Variants in MMP12 observed in about 807,000 individuals in gnomAD.
MMP12 encodes the protein matrix metallopeptidase 12.
In MMP12, 51 loss-of-function variants were observed where a neutral mutation model predicts 45.2. The ratio of observed to expected loss-of-function variants is 1.13; its 90% CI spans 0.90 to 1.42. MMP12 has a LOEUF of 1.42. MMP12 is among the 40% of genes most tolerant of loss of function. MMP12 has a pLI of 0.00. For synonymous variants in MMP12, 210 were observed against 193.3 expected (o/e 1.09, Z -0.72); for missense variants, 530 against 570.8 (o/e 0.93, Z 0.73).
At chr11:102,866,052 T>C in intron 7 of MMP12, 117 bp from the exon 8 acceptor site, 1 of 917,356 alleles carries the variant, frequency 1.1e-6, no homozygotes, top group Non-Finnish European at 1.6e-6. Context: ...TATTGCTTAT[T>C]GATCTTAAAC....
chr11:102,866,278 A>G, intron 7 of MMP12, 37 bp downstream of exon 7: 8 of 1,531,094 alleles, frequency 5.2e-6, no homozygotes, highest in Non-Finnish European at 7.0e-6. Context: ...CTCTTCCTTG[A>G]AGTAAACTCA....
At chr11:102,866,075 C>G (rs1555008495) in intron 7 of MMP12, 140 bp from the exon 8 acceptor site, 1 of 887,450 alleles carries the variant, frequency 1.1e-6, no homozygotes, top group Non-Finnish European at 1.6e-6. Flanking sequence ...AGTCTCTTTT[C>G]TATGGTTCCC....
rs552593852 is a variant in MMP12, at chr11:102,873,116, G to GA, written c.103-5dup. On this transcript the variant is annotated splice_region_variant and splice_polypyrimidine_tract_variant and intron_variant, in intron 1 of 9. Coordinates refer to ENST00000571244, the MANE Select transcript of MMP12 (RefSeq NM_002426.6). ...CATAAAATTTTTCTAAGTATCTCTG[G>GA]AAAAAAAAATACATTCAGCAATGTG... The GA allele has an allele frequency of 3.8e-3, 5,976 of 1,552,360 alleles. 18 individuals are homozygous for GA. Among genetic ancestry groups the GA allele is most frequent in the Admixed American group, 6.6e-3 (354 of 53,990 alleles).
chr11:102,863,196 G>A lies in MMP12; in HGVS notation c.1317C>T (p.Tyr439=). The change falls in exon 10 of 10, where the codon TAC becomes TAT. Residue 439 remains tyrosine, a synonymous_variant. Coordinates refer to ENST00000571244, the MANE Select transcript of MMP12 (RefSeq NM_002426.6). ...GGTTAGATCCTTGGAAGAAATAGTAGTATTCTGAAAATGAAAACAAATTAA... is the reference window on the plus strand; with the variant it reads ...GGTTAGATCCTTGGAAGAAATAGTAATATTCTGAAAATGAAAACAAATTAA... The part of the protein sequence containing the change: ...IDAVFYSKNK[Y]YYFFQGSNQF... 6.4e-7 allele frequency: 1 copy of A among 1,566,498 alleles called. No individual in the cohort carries two copies. Among genetic ancestry groups the A allele is most frequent in the Non-Finnish European group, 8.7e-7 (1 of 1,143,002 alleles).
intron 4 of MMP12, among the ~76,000 whole-genome samples, chr11:102,868,410 G>T (rs1175904731): frequency 1.3e-5 from 2 of 152,158 alleles, no homozygotes; most frequent in South Asian, 2.1e-4. Context: ...GTAGACAAAT[G>T]AAATATATTC....
rs781845076 is a variant in MMP12, at chr11:102,867,264, T to A, written c.911+6A>T. 6.3e-7 allele frequency: 1 copy of A among 1,582,618 alleles called. No individual in the cohort carries two copies. The highest frequency in any genetic ancestry group is 1.2e-5 in the South Asian group (1 of 84,450). ...TAATATTGGTTAGATATGAAAATGA[T>A]CCTACCTGTCTTTGAAGAAAAAGAT... On this transcript the variant is annotated splice_donor_region_variant and intron_variant, in intron 6 of 9. Transcript: ENST00000571244.
chr11:102,871,081 A>T (rs1859484743), intron 4 of MMP12, among the ~76,000 whole-genome samples: 2 of 152,138 alleles, frequency 1.3e-5, no homozygotes, highest in African/African-American at 4.8e-5. Flanking sequence ...AAATTAAAAA[A>T]TTAGCCGGGT....
intron 4 of MMP12, 114 bp downstream of exon 4, chr11:102,871,480 C>T (rs1348508264): frequency 2.8e-5 from 36 of 1,291,754 alleles, no homozygotes; most frequent in Non-Finnish European, 3.3e-5. Context: ...ATCATATAAT[C>T]ATTTGTCAGA....
Position 102,873,116 on chromosome 11 carries a change from GAA to G in MMP12, c.103-6_103-5del. 6.4e-7 allele frequency: 1 copy of G among 1,566,968 alleles called. No individual in the cohort carries two copies. Among genetic ancestry groups the G allele is most frequent in the Non-Finnish European group, 8.7e-7 (1 of 1,153,480 alleles). On this transcript the variant is annotated splice_region_variant and splice_polypyrimidine_tract_variant and intron_variant, in intron 1 of 9. Transcript: ENST00000571244. ...CATAAAATTTTTCTAAGTATCTCTG[GAA>G]AAAAAAATACATTCAGCAATGTGTA...
Position 102,873,111 on chromosome 11 carries a change from C to A in MMP12, c.104G>T (p.Arg35Ile). Residue 35 changes from arginine (R) to isoleucine (I), a missense_variant and splice_region_variant, in exon 2 of 10, where the codon AGA (arginine) becomes ATA (isoleucine). By Grantham distance (97) the Arg-to-Ile change is moderately conservative. Coordinates refer to ENST00000571244, the MANE Select transcript of MMP12 (RefSeq NM_002426.6). ...LEKNNVLFGE[R>I]YLEKFYGLEI... The stretch of plus-strand genomic sequence containing the variant: ...AAGGCCATAAAATTTTTCTAAGTAT[C>A]TCTGGAAAAAAAAATACATTCAGCA... 1 of 1,604,286 alleles carries A rather than the reference C, an allele frequency of 6.2e-7. No homozygotes were observed. The highest frequency in any genetic ancestry group is 1.1e-5 in the South Asian group (1 of 89,334).
At chr11:102,872,790 T>C in intron 2 of MMP12, 75 bp downstream of exon 2, 2 of 1,490,084 alleles carry the variant, frequency 1.3e-6, no homozygotes, top group Non-Finnish European at 1.8e-6. Context: ...GATTTAGGGC[T>C]GTCTAACTGG....
chr11:102,868,957 A>G (rs1555009015), intron 4 of MMP12, among the ~76,000 whole-genome samples: 2 of 152,180 alleles, frequency 1.3e-5, no homozygotes, highest in Non-Finnish European at 2.9e-5. Flanking sequence ...CTATGATTAA[A>G]ATAGTCTGGC....
rs1192279006 is a variant in MMP12, at chr11:102,871,791, A to G, written c.499+13T>C. The G allele has an allele frequency of 6.2e-7, 1 of 1,613,176 alleles. No individual in the cohort carries two copies. Among genetic ancestry groups the G allele is most frequent in the African/African-American group, 1.3e-5 (1 of 75,012 alleles). ...TCATGCCAAATGACAAAGATGAAAT[A>G]CAAGTTCCCTACCTCCACGGGCAAA... On this transcript the variant is annotated intron_variant, in intron 3 of 9. Transcript: ENST00000571244.
intron 4 of MMP12, among the ~76,000 whole-genome samples, chr11:102,870,447 G>A (rs925541363): frequency 2.6e-5 from 4 of 152,186 alleles, no homozygotes; most frequent in Admixed American, 1.3e-4. Context: ...GGTGGACATA[G>A]TATTTATAAA....
chr11:102,869,163 T>A (rs1859448376), intron 4 of MMP12, among the ~76,000 whole-genome samples: 1 of 152,192 alleles, frequency 6.6e-6, no homozygotes, highest in Non-Finnish European at 1.5e-5. Context: ...ATTTTTGTCT[T>A]TTTCTATGAC....
chr11:102,869,910 C>T (rs1555009140), intron 4 of MMP12, among the ~76,000 whole-genome samples: 2 of 152,254 alleles, frequency 1.3e-5, no homozygotes, highest in African/African-American at 2.4e-5. Flanking sequence ...CAGAGCAAGA[C>T]TCCATCTCAA....
At chr11:102,869,970 A>G (rs569314800) in intron 4 of MMP12, among the ~76,000 whole-genome samples, 87 of 152,316 alleles carry the variant, frequency 5.7e-4, no homozygotes, top group African/African-American at 2.1e-3. Context: ...GCTGAAAATA[A>G]GCATTTTAAG....
chr11:102,863,412 C>T (rs1485305737), intron 9 of MMP12, among the ~76,000 whole-genome samples: 1 of 152,046 alleles, frequency 6.6e-6, no homozygotes, highest in African/African-American at 2.4e-5. Context: ...CACAAGACCT[C>T]ATCTCTATTT....
In MMP12 at chr11:102,865,534, C is replaced by T. The variant is rs1859368546; in HGVS notation, c.1205+242G>A. ...GTTTCCACTATGATTAATAAGATGACATTTTATTTAGAGTGTTTTTTTAAA... is the reference window on the plus strand; with the variant it reads ...GTTTCCACTATGATTAATAAGATGATATTTTATTTAGAGTGTTTTTTTAAA... On this transcript the variant is annotated intron_variant, in intron 8 of 9. Transcript: ENST00000571244. The surrounding 1 kb of genome is among the most constrained non-coding windows in gnomAD (Gnocchi z 4.1). Among the ~76,000 whole-genome samples, 1 of 151,900 alleles carries T rather than the reference C, an allele frequency of 6.6e-6. No individual in the cohort carries two copies. Among genetic ancestry groups the T allele is most frequent in the Non-Finnish European group, 1.5e-5 (1 of 67,962 alleles).
Sources: gnomAD v4.1 joint callset for allele counts (sites outside exome capture counted in the v4.1 genomes callset) on GRCh38, gnomAD v4.1.1 for gene constraint, Gnocchi (gnomAD v3.1) non-coding constraint, MANE v1.5 for transcripts, NCBI Gene and HGNC (gene_info 2026-07-23, HGNC 2026-07-21) for gene names.